The following MCF2 variants were observed in gnomAD, a reference collection of about 807,000 sequenced individuals.
MCF2 encodes proto-oncogene DBL.
A neutral mutation model predicts 82.5 loss-of-function variants in MCF2; 44 were observed. The observed-to-expected ratio is 0.53, with a 90% CI of 0.42 to 0.69. The LOEUF (loss-of-function observed/expected upper bound fraction) is 0.69, where lower values mean the gene tolerates loss of function less well. MCF2 is among the 30% of genes least tolerant of loss of function. The pLI is 0.00. For missense variants in MCF2, 623 were observed against 663.1 expected, an observed-to-expected ratio of 0.94 and a Z score of 0.66; for synonymous variants, 217 against 224.9, an observed-to-expected ratio of 0.96 and a Z score of 0.32.
intron 15 of MCF2, among the ~76,000 whole-genome samples, chrX:139,604,103 T>C (rs1930781563): frequency 9.0e-6 from 1 of 110,683 alleles, no homozygotes; most frequent in African/African-American, 3.3e-5. Context: ...GTATGATCAC[T>C]AACCTGGGAA....
At chrX:139,675,966 A>C (rs1261624080) in intron 1 of MCF2, among the ~76,000 whole-genome samples, 1 of 112,880 alleles carries the variant, frequency 8.9e-6, no homozygotes, top group Non-Finnish European at 1.9e-5. Context: ...TGCTGAGTGC[A>C]GTGGGCTCTG....
At chrX:139,607,063 A>G (rs1243657648) in intron 12 of MCF2, 1 of 111,394 alleles carries the variant, frequency 9.0e-6, no homozygotes. Context: ...ATCAATCTGT[A>G]TAATCCTTTG....
exon 16 of MCF2, chrX:139,602,484 C>A: frequency 8.5e-7 from 1 of 1,183,023 alleles, no homozygotes; most frequent in Non-Finnish European, 1.1e-6. Flanking sequence ...TTGCATACAT[C>A]TGAAAATCAT....
chrX:139,601,248 TA>T (rs1332330543), intron 16 of MCF2, among the ~76,000 whole-genome samples: 1 of 111,575 alleles, frequency 9.0e-6, no homozygotes, highest in Non-Finnish European at 1.9e-5. Flanking sequence ...AGTAAATTTG[TA>T]CAGGAGGTTC....
intron 10 of MCF2, 128 bp downstream of exon 14, chrX:139,613,088 G>A: frequency 2.3e-6 from 1 of 433,855 alleles, no homozygotes; most frequent in East Asian, 3.8e-5. Context: ...ATGAAAAACA[G>A]GAAAAAGTTA....
intron 1 of MCF2, among the ~76,000 whole-genome samples, chrX:139,656,637 C>A (rs1434813075): frequency 8.9e-6 from 1 of 112,029 alleles, no homozygotes; most frequent in Non-Finnish European, 1.9e-5. Context: ...ATCAATTGAG[C>A]AGCTGCAAGG....
intron 16 of MCF2, among the ~76,000 whole-genome samples, chrX:139,601,232 C>A (rs73573994): frequency 0.016 from 1,817 of 111,337 alleles, 33 homozygotes; most frequent in African/African-American, 0.056. Context: ...TCAAAGAAAA[C>A]CTCCAAGTAA....
intron 1 of MCF2, among the ~76,000 whole-genome samples, chrX:139,692,441 C>A (rs1935295138): frequency 9.0e-6 from 1 of 111,653 alleles, no homozygotes; most frequent in African/African-American, 3.2e-5. Context: ...CTGGCCCCCG[C>A]CGCTGCGAGG....
At chrX:139,696,341 TCTCTC>T (rs1213782978) in intron 1 of MCF2, among the ~76,000 whole-genome samples, 958 of 86,089 alleles carry the variant, frequency 0.011, 18 homozygotes, top group African/African-American at 0.051. Context: ...TTCTTTCTCT[TCTCTC>T]CTCTCCTCTC....
chrX:139,625,280 A>G (rs2148480292), intron 6 of MCF2, among the ~76,000 whole-genome samples: 1 of 111,979 alleles, frequency 8.9e-6, no homozygotes, highest in African/African-American at 3.2e-5. Flanking sequence ...GGGTATGTTC[A>G]GGAAAAGTGC....
chrX:139,692,285 A>G, intron 1 of MCF2: 2 of 345,066 alleles, frequency 5.8e-6, no homozygotes, highest in Non-Finnish European at 1.0e-5. Context: ...GGAGGGGTAC[A>G]GCCCCTGGCC....
chrX:139,614,310 C>T (rs1931725763), intron 10 of MCF2, among the ~76,000 whole-genome samples: 1 of 111,634 alleles, frequency 9.0e-6, no homozygotes, highest in East Asian at 2.8e-4. Context: ...CAAAATTATT[C>T]TATTTAACAG....
chrX:139,597,189 C>T (rs1158289217), intron 18 of MCF2, among the ~76,000 whole-genome samples: 2 of 111,281 alleles, frequency 1.8e-5, no homozygotes, highest in African/African-American at 3.3e-5. Flanking sequence ...TGGAGCAATA[C>T]GTTTTCTTAG....
chrX:139,613,908 T>C (rs1179069583), intron 10 of MCF2, among the ~76,000 whole-genome samples: 2 of 111,413 alleles, frequency 1.8e-5, no homozygotes, highest in Non-Finnish European at 3.8e-5. Context: ...CTTAGCCTAG[T>C]TACCTGCTTT....
At chrX:139,625,751 C>T (rs755327312) in intron 6 of MCF2, among the ~76,000 whole-genome samples, 35 of 111,975 alleles carry the variant, frequency 3.1e-4, no homozygotes, top group African/African-American at 1.1e-3. Context: ...ATCTCTCAGG[C>T]TTTTCACAGG....
At chrX:139,693,427 T>G (rs1229681684) in intron 1 of MCF2, among the ~76,000 whole-genome samples, 1 of 109,717 alleles carries the variant, frequency 9.1e-6, no homozygotes, top group African/African-American at 3.3e-5. Flanking sequence ...ATCGCCAATT[T>G]ATACCTGAGG....
intron 12 of MCF2, among the ~76,000 whole-genome samples, chrX:139,606,870 G>T (rs971573268): frequency 9.1e-6 from 1 of 109,496 alleles, no homozygotes; most frequent in Non-Finnish European, 1.9e-5. Context: ...ATAAATATGT[G>T]TCTGTATATA....
chrX:139,593,004 A>C (rs1032605508), intron 19 of MCF2, among the ~76,000 whole-genome samples: 2 of 112,197 alleles, frequency 1.8e-5, no homozygotes, highest in Non-Finnish European at 3.8e-5. Context: ...TGGTGATGAG[A>C]ACTATGAAAG....
chrX:139,586,616 TA>T, intron 22 of MCF2, 129 bp from the exon 27 acceptor site: 1 of 440,851 alleles, frequency 2.3e-6, no homozygotes, highest in African/African-American at 2.4e-5. Context: ...AAACAGCCAA[TA>T]CTCCCTATTT....
Sources: gnomAD v4.1 joint callset for allele counts (sites outside exome capture counted in the v4.1 genomes callset) on GRCh38, gnomAD v4.1.1 for gene constraint, MANE v1.5 for transcripts, NCBI Gene and HGNC (gene_info 2026-07-23, HGNC 2026-07-21) for gene names.